Variants in MIDN observed in about 807,000 individuals in gnomAD.
MIDN encodes the protein midnolin, also known as midbrain nucleolar protein.
A neutral mutation model predicts 46.1 loss-of-function variants in MIDN; 26 were observed. The ratio of observed to expected loss-of-function variants is 0.56; its 90% CI spans 0.41 to 0.78. The LOEUF (loss-of-function observed/expected upper bound fraction) is 0.78. Ranked by LOEUF, MIDN falls within the 30% of genes least tolerant of loss-of-function variation. MIDN has a pLI of 0.00. For synonymous variants in MIDN, 432 were observed against 343.3 expected (o/e 1.26, Z -2.86); for missense variants, 850 against 771.8 (o/e 1.10, Z -1.20).
intron 4 of MIDN, among the ~76,000 whole-genome samples, chr19:1,252,278 C>T (rs906379614): frequency 3.3e-5 from 5 of 152,180 alleles, no homozygotes; most frequent in African/African-American, 1.2e-4. Flanking sequence ...GCGAGTTTCT[C>T]CTTTTTTACA....
Position 1,257,302 on chromosome 19 carries a change from G to T in MIDN, c.*30G>T. ...TTCGGATCGGCCACCCTCGCCCCTC[G>T]CACCCCAGCCCAGGGCGGCGGGGAC... On this transcript the variant is annotated 3_prime_UTR_variant, in exon 9 of 9. Coordinates refer to ENST00000682408, the MANE Select transcript of MIDN (RefSeq NM_001388306.1). The T allele has an allele frequency of 6.2e-7, 1 of 1,600,112 alleles. No homozygotes were observed. The highest frequency in any genetic ancestry group is 8.5e-7 in the Non-Finnish European group (1 of 1,170,518).
Position 1,257,289 on chromosome 19 carries a change from A to G in MIDN, c.*17A>G, listed in dbSNP as rs762907550. On this transcript the variant is annotated 3_prime_UTR_variant, in exon 9 of 9. Coordinates refer to ENST00000682408, the MANE Select transcript of MIDN (RefSeq NM_001388306.1). ...GTGGCTTAGGATCTTCGGATCGGCCACCCTCGCCCCTCGCACCCCAGCCCA... is the reference window on the plus strand; with the variant it reads ...GTGGCTTAGGATCTTCGGATCGGCCGCCCTCGCCCCTCGCACCCCAGCCCA... The G allele has an allele frequency of 2.5e-6, 4 of 1,607,548 alleles. No homozygotes were observed. The African/African-American group carries it at 4.0e-5, about 16-fold the overall frequency.
At chr19:1,256,414 G>A (rs2081199676) in intron 8 of MIDN, among the ~76,000 whole-genome samples, 1 of 151,598 alleles carries the variant, frequency 6.6e-6, no homozygotes, top group Non-Finnish European at 1.5e-5. Flanking sequence ...ACCCAGAGGC[G>A]GAGCTTGCAG....
At chr19:1,253,913 G>T (rs1311771012) in intron 4 of MIDN, 41 bp from the exon 5 acceptor site, 2 of 1,364,640 alleles carry the variant, frequency 1.5e-6, no homozygotes, top group East Asian at 3.1e-5. Flanking sequence ...AGTTGGCCAG[G>T]GAGGGGCAGG....
At chr19:1,255,337 C>T in intron 7 of MIDN, 85 bp from the exon 8 acceptor site, 1 of 1,451,808 alleles carries the variant, frequency 6.9e-7, no homozygotes, top group Non-Finnish European at 9.2e-7. Flanking sequence ...ATTGCCTGAG[C>T]TCATGAGCTC....
rs2081236415 is a variant in MIDN, at chr19:1,259,073, T to TA, written c.*1805dup. 1 of 97,388 alleles carries TA rather than the reference T, an allele frequency of 1.0e-5. No homozygotes were observed. 6.0% of individuals were successfully genotyped at this position (97,388 alleles called of 1,614,324 possible). A position where few individuals can be genotyped will look rare whatever the true frequency, so the allele number is the denominator to read the frequency against. On this transcript the variant is annotated 3_prime_UTR_variant, in exon 9 of 9. Coordinates refer to ENST00000682408, the MANE Select transcript of MIDN (RefSeq NM_001388306.1). ...GGCGTGAGTTTCATGTATGAAAACA[T>TA]AAAATTGAAAAAAAAAAAAAAACCT...
In MIDN at chr19:1,254,320, G is replaced by T; in HGVS notation, c.667G>T (p.Gly223Trp). 6.4e-7 allele frequency: 1 copy of T among 1,570,856 alleles called. No individual in the cohort carries two copies. Among genetic ancestry groups the T allele is most frequent in the East Asian group, 2.3e-5 (1 of 43,284 alleles). The change falls in exon 6 of 9, where the codon GGG (glycine) becomes TGG (tryptophan). Residue 223 changes from glycine (G) to tryptophan (W), a missense_variant. Physicochemically the swap from Gly to Trp is radical, Grantham distance 184. Transcript: ENST00000682408. ...AAAAAAAAAR[G>W]DPSIASPVSS... ...TGCGGCCGCCGCCGCTGCTGCGCGG[G>T]GGGACCCCAGCATAGCCTCCCCCGT...
At chr19:1,256,434 A>C (rs1349572096) in intron 8 of MIDN, among the ~76,000 whole-genome samples, 1 of 150,362 alleles carries the variant, frequency 6.7e-6, no homozygotes, top group Non-Finnish European at 1.5e-5. Flanking sequence ...GTGAGCCGAG[A>C]TCGCGCCACT....
intron 4 of MIDN, 85 bp from the exon 5 acceptor site, chr19:1,253,869 C>CCA: frequency 8.4e-7 from 1 of 1,190,964 alleles, no homozygotes; most frequent in African/African-American, 1.6e-5. Context: ...GCCCCGCCCC[C>CCA]TCTGGCCTCA....
At position 1,250,307 on chromosome 19, in the gene MIDN, A is replaced by C; in HGVS notation, c.11A>C (p.Gln4Pro). 2 of 987,300 alleles carry C rather than the reference A, an allele frequency of 2.0e-6. No homozygotes were observed. Among genetic ancestry groups the C allele is most frequent in the Non-Finnish European group, 1.2e-6 (1 of 832,602 alleles). The allele number at this position is 987,300 out of a possible 1,614,324, so 61.2% of individuals were successfully genotyped here. The change falls in exon 2 of 9, where the codon CAG (glutamine) becomes CCG (proline). Residue 4 changes from glutamine to proline, a missense_variant. Transcript: ENST00000682408. MEP[Q>P]PGGARSCRRG... ...CAGCGCGCGCCGGGGATGGAGCCGC[A>C]GCCCGGCGGCGCCCGGAGCTGCCGG...
chr19:1,250,432 G>A lies in MIDN; in HGVS notation c.136G>A (p.Ala46Thr). The change falls in exon 2 of 9, where the codon GCC becomes ACC. Residue 46 changes from alanine (A) to threonine (T), a missense_variant. Coordinates refer to ENST00000682408, the MANE Select transcript of MIDN (RefSeq NM_001388306.1). ...CACCACGGGCACCCGCTACGACCTG[G>A]CCGTGCCGCCCGACGAGACGGTGGA... ...HSTTGTRYDL[A>T]VPPDETVEGL... 7.3e-7 allele frequency: 1 copy of A among 1,378,804 alleles called. No individual in the cohort carries two copies. The allele number at this position is 1,378,804 out of a possible 1,614,324, so 85.4% of individuals were successfully genotyped here. A position where few individuals can be genotyped will look rare whatever the true frequency, so the allele number is the denominator to read the frequency against.
Position 1,254,046 on chromosome 19 carries a change from A to AC in MIDN, c.481dup (p.Gln161ProfsTer14). 6.9e-7 allele frequency: 1 copy of AC among 1,441,108 alleles called. No homozygotes were observed. Among genetic ancestry groups the AC allele is most frequent in the Non-Finnish European group, 9.0e-7 (1 of 1,104,992 alleles). The allele number at this position is 1,441,108 out of a possible 1,614,324, so 89.3% of individuals were successfully genotyped here. A position where few individuals can be genotyped will look rare whatever the true frequency, so the allele number is the denominator to read the frequency against. On this transcript the variant is annotated frameshift_variant, in exon 5 of 9. Coordinates refer to ENST00000682408, the MANE Select transcript of MIDN (RefSeq NM_001388306.1). LOFTEE classifies it high-confidence loss of function. ...TTAAGCGTCCGTGGCACCGACAGGG[A>AC]CCCCAGAGCCCAGAGAGGGGCGGCG...
In MIDN at chr19:1,254,436, C is replaced by G; in HGVS notation, c.783C>G (p.Ala261=). The G allele has an allele frequency of 1.3e-6, 2 of 1,565,042 alleles. No homozygotes were observed. The highest frequency in any genetic ancestry group is 1.3e-5 in the African/African-American group (1 of 74,290). ...CTGCATCTCCCTCGCCCATCACAGC[C>G]GGCTCCTTCCGGTCCCACGCAGCCT... is the stretch of plus-strand genomic sequence containing the variant. ...PSPASPSPIT[A]GSFRSHAAST... The change falls in exon 6 of 9, where the codon GCC becomes GCG. Residue 261 remains alanine (A), a synonymous_variant. Transcript: ENST00000682408.
chr19:1,253,510 C>G (rs2081159643), intron 4 of MIDN, among the ~76,000 whole-genome samples: 1 of 149,590 alleles, frequency 6.7e-6, no homozygotes. Flanking sequence ...TGAGATTCAA[C>G]CCACACCCAC....
At chr19:1,255,098 C>A in intron 7 of MIDN, 37 bp downstream of exon 7, 1 of 1,589,840 alleles carries the variant, frequency 6.3e-7, no homozygotes, top group Non-Finnish European at 8.6e-7. Context: ...TCACGTGTGT[C>A]CCGTGACCCT....
Position 1,255,034 on chromosome 19 carries a change from C to G in MIDN, c.958C>G (p.Pro320Ala). ...AVIESFVNHA[P>A]GVFSGTFSGT... ...CATCGAGAGCTTTGTGAATCACGCC[C>G]CGGGGGTCTTCTCAGGGACCTTCTC... The change falls in exon 7 of 9, where the codon CCG (proline) becomes GCG (alanine). Residue 320 changes from proline (P) to alanine (A), a missense_variant. Coordinates refer to ENST00000682408, the MANE Select transcript of MIDN (RefSeq NM_001388306.1). 1 of 1,613,166 alleles carries G rather than the reference C, an allele frequency of 6.2e-7. No individual in the cohort carries two copies. Among genetic ancestry groups the G allele is most frequent in the East Asian group, 2.2e-5 (1 of 44,886 alleles).
In MIDN at chr19:1,254,157, C is replaced by A; in HGVS notation, c.514-10C>A. 6.3e-7 allele frequency: 1 copy of A among 1,590,432 alleles called. No individual in the cohort carries two copies. The highest frequency in any genetic ancestry group is 8.5e-7 in the Non-Finnish European group (1 of 1,174,062). On this transcript the variant is annotated splice_polypyrimidine_tract_variant and intron_variant, in intron 5 of 8. Transcript: ENST00000682408. ...TGGGGCTCCCAGCTGACGGACCGCT[C>A]TCCTTGCAGGTCAGTGACTTCCTGT...
In MIDN at chr19:1,257,902, CT is replaced by C. The variant is rs3214177; in HGVS notation, c.*638del. The C allele has an allele frequency of 7.1e-3, 1,076 of 151,938 alleles. 12 individuals carry two copies. The highest frequency in any genetic ancestry group is 0.025 in the African/African-American group (1,027 of 41,354). The allele number at this position is 151,938 out of a possible 1,614,324, so 9.4% of individuals were successfully genotyped here. The stretch of plus-strand genomic sequence containing the variant: ...TCCACTCCTATCCTCTTTTCTTGAT[CT>C]TTTTTTTGCATTTTCCTTCATTTCT... On this transcript the variant is annotated 3_prime_UTR_variant, in exon 9 of 9. Coordinates refer to ENST00000682408, the MANE Select transcript of MIDN (RefSeq NM_001388306.1).
intron 8 of MIDN, among the ~76,000 whole-genome samples, chr19:1,256,476 C>T (rs532828543): frequency 1.1e-4 from 16 of 144,596 alleles, no homozygotes; most frequent in East Asian, 8.3e-4. Flanking sequence ...AGCGAGACTC[C>T]GTCTCAAAAA....
Sources: allele counts gnomAD v4.1 joint callset (sites outside exome capture counted in the v4.1 genomes callset), GRCh38; gene constraint gnomAD v4.1.1; transcripts MANE v1.5; gene names NCBI Gene and HGNC (gene_info 2026-07-23, HGNC 2026-07-21).